ARHGAP24: variants seen among roughly 807,000 people sequenced by gnomAD.
ARHGAP24 encodes the protein rho GTPase-activating protein 24.
A neutral mutation model predicts 76.4 loss-of-function variants in ARHGAP24; 50 were observed. The ratio of observed to expected loss-of-function variants is 0.65; its 90% CI spans 0.52 to 0.83. The LOEUF (loss-of-function observed/expected upper bound fraction) is 0.83, where lower values mean the gene tolerates loss of function less well. Among genes scored for constraint, ARHGAP24 ranks in the 40% least tolerant of loss-of-function variants. The probability of loss-of-function intolerance (pLI) is 0.00; values close to 1 mark genes in which losing one functional copy is unlikely to be tolerated. For missense variants in ARHGAP24, 930 were observed against 914.2 expected, an observed-to-expected ratio of 1.02 and a Z score of -0.22; for synonymous variants, 345 against 323.3, an observed-to-expected ratio of 1.07 and a Z score of -0.72.
At chr4:85,848,478 C>A (rs1204152786) in intron 3 of ARHGAP24, among the ~76,000 whole-genome samples, 1 of 152,166 alleles carries the variant, frequency 6.6e-6, no homozygotes, top group Admixed American at 6.5e-5. Flanking sequence ...ACGATGGTTT[C>A]CAACTTTGAC....
intron 4 of ARHGAP24, among the ~76,000 whole-genome samples, chr4:85,941,321 T>C (rs1736934359): frequency 6.6e-6 from 1 of 152,180 alleles, no homozygotes; most frequent in Non-Finnish European, 1.5e-5. Context: ...GTAAAATCAT[T>C]AATAAATCTA....
At position 85,494,679 on chromosome 4, in the gene ARHGAP24, C is replaced by CA. The variant is rs563919982; in HGVS notation, c.-21+19131dup. Among the ~76,000 whole-genome samples the CA allele has an allele frequency of 7.0e-3, 849 of 120,834 alleles. 8 individuals are homozygous for CA. Among genetic ancestry groups the CA allele is most frequent in the African/African-American group, 0.022 (704 of 31,784 alleles). The allele number at this position is 120,834 out of a possible 152,430, so 79.3% of individuals were successfully genotyped here. ...CTGGTGACAGAACGAGACTCTGTCT[C>CA]AAAAAAAAAAATAAAAAATAAAAAA... On this transcript the variant is annotated intron_variant, in intron 1 of 9. Coordinates refer to ENST00000395184, the MANE Select transcript of ARHGAP24 (RefSeq NM_001025616.3).
intron 5 of ARHGAP24, among the ~76,000 whole-genome samples, chr4:85,967,576 G>C (rs886781572): frequency 2.6e-5 from 4 of 152,164 alleles, no homozygotes; most frequent in Admixed American, 6.5e-5. Flanking sequence ...ATGTTGCTCA[G>C]TTAAGGGACA....
At chr4:85,658,065 T>C (rs760899926) in intron 2 of ARHGAP24, among the ~76,000 whole-genome samples, 27 of 152,236 alleles carry the variant, frequency 1.8e-4, no homozygotes, top group Non-Finnish European at 3.8e-4. Context: ...TCCAGTTATT[T>C]AATTATTCTT....
intron 3 of ARHGAP24, among the ~76,000 whole-genome samples, chr4:85,756,664 G>T (rs1726507730): frequency 6.6e-6 from 1 of 152,122 alleles, no homozygotes; most frequent in Non-Finnish European, 1.5e-5. Flanking sequence ...ATACTGTTCA[G>T]AGAAAAATTC....
At chr4:85,521,451 T>C (rs531881795) in intron 1 of ARHGAP24, among the ~76,000 whole-genome samples, 1 of 152,146 alleles carries the variant, frequency 6.6e-6, no homozygotes, top group South Asian at 2.1e-4. Flanking sequence ...CCCTCCCTTT[T>C]TATCACCTCC....
intron 5 of ARHGAP24, among the ~76,000 whole-genome samples, chr4:85,957,051 T>C (rs1737958046): frequency 6.6e-6 from 1 of 152,174 alleles, no homozygotes; most frequent in Admixed American, 6.5e-5. Flanking sequence ...AGTATTTTAG[T>C]GAGCTTTCTT....
intron 2 of ARHGAP24, among the ~76,000 whole-genome samples, chr4:85,656,016 C>T (rs1722158594): frequency 6.6e-6 from 1 of 152,018 alleles, no homozygotes; most frequent in Admixed American, 6.6e-5. Flanking sequence ...ATTTCCTTAA[C>T]TGGCAAATAA....
At chr4:85,851,921 T>C (rs1329168960) in intron 3 of ARHGAP24, among the ~76,000 whole-genome samples, 1 of 152,164 alleles carries the variant, frequency 6.6e-6, no homozygotes, top group Non-Finnish European at 1.5e-5. Context: ...CTGACAATTA[T>C]GTGTCTGGGG....
intron 2 of ARHGAP24, among the ~76,000 whole-genome samples, chr4:85,611,423 C>T (rs1720377446): frequency 6.6e-6 from 1 of 152,108 alleles, no homozygotes; most frequent in Non-Finnish European, 1.5e-5. Context: ...GCATGTATCT[C>T]CACTAGATCC....
chr4:85,925,633 T>G (rs1578395276), intron 4 of ARHGAP24, among the ~76,000 whole-genome samples: 1 of 152,224 alleles, frequency 6.6e-6, no homozygotes, highest in African/African-American at 2.4e-5. Context: ...ATATTGTTAT[T>G]GTTGTTAATC....
At chr4:85,979,372 A>T (rs1322657248) in intron 8 of ARHGAP24, among the ~76,000 whole-genome samples, 1 of 152,206 alleles carries the variant, frequency 6.6e-6, no homozygotes, top group Non-Finnish European at 1.5e-5. Flanking sequence ...TTAAGTTCAC[A>T]GTTCAGTAGC....
Position 85,673,849 on chromosome 4 carries a change from T to G in ARHGAP24, c.181-48036T>G, listed in dbSNP as rs189893592. Among the ~76,000 whole-genome samples the G allele has an allele frequency of 7.2e-4, 110 of 151,958 alleles. 1 individual carries two copies. The highest frequency in any genetic ancestry group is 1.4e-3 in the Non-Finnish European group (94 of 67,924). On this transcript the variant is annotated intron_variant, in intron 2 of 9. Coordinates refer to ENST00000395184, the MANE Select transcript of ARHGAP24 (RefSeq NM_001025616.3). ...TTCAGAACCCCAAAATCTGGTTCCT[T>G]AGTCTGGCAAAGCACTTTTTCTGAA...
intron 3 of ARHGAP24, among the ~76,000 whole-genome samples, chr4:85,883,537 AG>A (rs1227423276): frequency 3.9e-5 from 6 of 152,280 alleles, no homozygotes; most frequent in African/African-American, 1.4e-4. Context: ...CTGCATGTGC[AG>A]GGGGTAGAGT....
chr4:85,880,969 A>G (rs1014496315), intron 3 of ARHGAP24, among the ~76,000 whole-genome samples: 2 of 152,110 alleles, frequency 1.3e-5, no homozygotes, highest in Non-Finnish European at 2.9e-5. Context: ...TTTCCTTACT[A>G]AGTCATGAGT....
At chr4:85,612,083 TACACACACACACACAC>T (rs34030905) in intron 2 of ARHGAP24, among the ~76,000 whole-genome samples, 1 of 143,768 alleles carries the variant, frequency 7.0e-6, no homozygotes, top group African/African-American at 2.6e-5. Flanking sequence ...TTCATTACAT[TACACACACACACACAC>T]ACACACACAC....
At chr4:85,808,531 G>C (rs574347349) in intron 3 of ARHGAP24, among the ~76,000 whole-genome samples, 2 of 152,284 alleles carry the variant, frequency 1.3e-5, no homozygotes, top group East Asian at 3.9e-4. Flanking sequence ...GCCTGTCCCA[G>C]GGAGGGGTGG....
At chr4:85,595,243 T>C (rs1480815135) in intron 2 of ARHGAP24, among the ~76,000 whole-genome samples, 1 of 152,104 alleles carries the variant, frequency 6.6e-6, no homozygotes, top group Non-Finnish European at 1.5e-5. Context: ...AAAGTTCCTT[T>C]CCATGCAGAG....
intron 2 of ARHGAP24, among the ~76,000 whole-genome samples, chr4:85,672,488 G>A (rs540119221): frequency 8.6e-4 from 131 of 152,174 alleles, no homozygotes; most frequent in African/African-American, 2.9e-3. Context: ...CTACCTATCC[G>A]TCCCATCCTA....
Sources: gnomAD v4.1 joint callset for allele counts (sites outside exome capture counted in the v4.1 genomes callset) on GRCh38, gnomAD v4.1.1 for gene constraint, MANE v1.5 for transcripts, NCBI Gene and HGNC (gene_info 2026-07-23, HGNC 2026-07-21) for gene names.